Variants in ZFC3H1 observed in about 807,000 individuals in gnomAD.
ZFC3H1 encodes the protein zinc finger C3H1-type containing, also known as zinc finger C3H1 domain-containing protein.
Under a neutral mutation model 243.7 loss-of-function variants are expected in ZFC3H1, and 71 were observed. The observed-to-expected ratio is 0.29, with a 90% CI of 0.24 to 0.36. The LOEUF is 0.36. ZFC3H1 is among the 10% of genes least tolerant of loss of function. The pLI, the probability that ZFC3H1 is intolerant of heterozygous loss-of-function variation, is 1.00. For synonymous variants in ZFC3H1, 838 were observed against 813.0 expected (o/e 1.03, Z -0.52); for missense variants, 1,966 against 2,317.1 (o/e 0.85, Z 3.11).
chr12:71,644,222 T>G lies in ZFC3H1; in HGVS notation c.1376A>C (p.Gln459Pro), dbSNP rs1168166016. Residue 459 changes from glutamine (Q) to proline (P), a missense_variant, in exon 5 of 35, where the codon CAA becomes CCA. Transcript: ENST00000378743. ...ERQKEEDQRK[Q>P]AEEEERRKRE... ...TTTCCTTCTCTCTTCTTCTTCAGCT[T>G]GTTTCCGCTGATCCTCTTCTTTCTG... The G allele has an allele frequency of 1.2e-6, 2 of 1,612,178 alleles. No individual in the cohort carries two copies. The highest frequency in any genetic ancestry group is 2.7e-5 in the African/African-American group (2 of 74,930).
intron 31 of ZFC3H1, among the ~76,000 whole-genome samples, chr12:71,612,861 A>G (rs904033824): frequency 6.6e-6 from 1 of 152,210 alleles, no homozygotes; most frequent in Non-Finnish European, 1.5e-5. Flanking sequence ...CGAATATATG[A>G]AATCCCTAAT....
chr12:71,633,445 G>T lies in ZFC3H1; in HGVS notation c.2511-7C>A. 1 of 1,537,438 alleles carries T rather than the reference G, an allele frequency of 6.5e-7. No individual in the cohort carries two copies. The highest frequency in any genetic ancestry group is 1.3e-5 in the South Asian group (1 of 78,688). ...ATCTTTCATCAAGAGAATCCTAAAT[G>T]AGAAATAACAAAATTCTTGTTAATG... On this transcript the variant is annotated splice_region_variant and splice_polypyrimidine_tract_variant and intron_variant, in intron 12 of 34. Transcript: ENST00000378743.
At chr12:71,641,923 CA>C (rs921073441) in intron 6 of ZFC3H1, among the ~76,000 whole-genome samples, 25 of 152,176 alleles carry the variant, frequency 1.6e-4, no homozygotes, top group Non-Finnish European at 3.4e-4. Flanking sequence ...GACGTCAGCT[CA>C]CTGCAACCTC....
At chr12:71,642,301 T>C (rs1201841347) in intron 6 of ZFC3H1, 135 bp downstream of exon 6, 1 of 949,534 alleles carries the variant, frequency 1.1e-6, no homozygotes, top group African/African-American at 1.7e-5. Flanking sequence ...CAACAACAAA[T>C]AATGTCTATC....
At position 71,624,122 on chromosome 12, in the gene ZFC3H1, A is replaced by G; in HGVS notation, c.4488T>C (p.Ser1496=). The G allele has an allele frequency of 1.2e-6, 2 of 1,611,948 alleles. No homozygotes were observed. Among genetic ancestry groups the G allele is most frequent in the East Asian group, 2.2e-5 (1 of 44,860 alleles). The change falls in exon 23 of 35, where the codon AGT becomes AGC. Residue 1496 remains serine, a synonymous_variant. Coordinates refer to ENST00000378743, the MANE Select transcript of ZFC3H1 (RefSeq NM_144982.5). The part of the protein sequence containing the change: ...QLHIFTGRCQ[S]ALAILQNALK... Reference sequence around the variant, plus strand: ...TGCTTACCTGTAAAATTGCCAGTGCACTTTGGCATCTTCCAGTAAATATGT... The same window carrying G: ...TGCTTACCTGTAAAATTGCCAGTGCGCTTTGGCATCTTCCAGTAAATATGT...
chr12:71,628,348 C>T (rs1211484289), intron 20 of ZFC3H1, among the ~76,000 whole-genome samples: 1 of 152,176 alleles, frequency 6.6e-6, no homozygotes, highest in Non-Finnish European at 1.5e-5. Flanking sequence ...ACTAGAAAAA[C>T]AGTGTTACGT....
chr12:71,629,774 T>C, intron 18 of ZFC3H1, 64 bp from the exon 19 acceptor site: 1 of 1,044,052 alleles, frequency 9.6e-7, no homozygotes, highest in East Asian at 2.4e-5. Context: ...ATAATTAAAA[T>C]GTATGACGTG....
chr12:71,648,951 C>T (rs904201126), intron 2 of ZFC3H1, among the ~76,000 whole-genome samples: 3 of 151,856 alleles, frequency 2.0e-5, no homozygotes, highest in African/African-American at 4.8e-5. Flanking sequence ...ATTAGCCAGG[C>T]ATGGTGGTGC....
chr12:71,623,250 G>A, intron 24 of ZFC3H1, 110 bp downstream of exon 24: 1 of 913,248 alleles, frequency 1.1e-6, no homozygotes, highest in Non-Finnish European at 1.6e-6. Context: ...GCAATATAGA[G>A]ATATAAATTT....
At chr12:71,630,314 C>G (rs781666879) in intron 18 of ZFC3H1, among the ~76,000 whole-genome samples, 1 of 152,106 alleles carries the variant, frequency 6.6e-6, no homozygotes, top group South Asian at 2.1e-4. Flanking sequence ...TTTAAATGAG[C>G]TCTGTCCAAA....
At chr12:71,617,196 T>G (rs1048353126) in intron 27 of ZFC3H1, among the ~76,000 whole-genome samples, 1 of 152,140 alleles carries the variant, frequency 6.6e-6, no homozygotes, top group African/African-American at 2.4e-5. Flanking sequence ...TAATAAACAT[T>G]GACAACTTAT....
intron 10 of ZFC3H1, 72 bp from the exon 11 acceptor site, chr12:71,634,897 T>G: frequency 6.6e-7 from 1 of 1,505,308 alleles, no homozygotes; most frequent in Admixed American, 2.3e-5. Context: ...GATTTATATT[T>G]TACATTGCAA....
chr12:71,625,175 G>C (rs1162410783), intron 22 of ZFC3H1, among the ~76,000 whole-genome samples: 1 of 152,132 alleles, frequency 6.6e-6, no homozygotes, highest in Non-Finnish European at 1.5e-5. Flanking sequence ...TGAGTTCAAA[G>C]AGTAAGAAAT....
Position 71,620,101 on chromosome 12 carries a change from C to T in ZFC3H1, c.4874G>A (p.Cys1625Tyr). Reference sequence around the variant, plus strand: ...AGGACATGATTCCAATAAAGATTTACAAAGCTCCATTGCAGCCTCATACCT... The same window carrying T: ...AGGACATGATTCCAATAAAGATTTATAAAGCTCCATTGCAGCCTCATACCT... ...LERYEAAMEL[C>Y]KSLLESCPIN... Residue 1625 changes from cysteine to tyrosine, a missense_variant, in exon 26 of 35, where the codon TGT becomes TAT. Physicochemically the swap from Cys to Tyr is radical, Grantham distance 194. Transcript: ENST00000378743. 6.2e-7 allele frequency: 1 copy of T among 1,611,732 alleles called. No individual in the cohort carries two copies. Among genetic ancestry groups the T allele is most frequent in the Non-Finnish European group, 8.5e-7 (1 of 1,179,368 alleles).
intron 2 of ZFC3H1, among the ~76,000 whole-genome samples, chr12:71,652,199 T>C (rs1880906913): frequency 6.6e-6 from 1 of 152,088 alleles, no homozygotes; most frequent in Non-Finnish European, 1.5e-5. Context: ...CATTTATATA[T>C]ATAATTTACT....
chr12:71,647,056 T>C (rs1880747127), intron 3 of ZFC3H1, among the ~76,000 whole-genome samples: 1 of 152,348 alleles, frequency 6.6e-6, no homozygotes, highest in African/African-American at 2.4e-5. Context: ...GTGTACGTTA[T>C]ATTATCATTT....
intron 30 of ZFC3H1, 64 bp downstream of exon 30, chr12:71,614,471 C>T: frequency 2.1e-6 from 3 of 1,427,808 alleles, no homozygotes; most frequent in Non-Finnish European, 2.8e-6. Flanking sequence ...AGGAGTTTTG[C>T]TATCATTTTT....
Position 71,611,660 on chromosome 12 carries a change from GAAA to G in ZFC3H1, c.5729+123_5729+125del, listed in dbSNP as rs35052856. On this transcript the variant is annotated intron_variant, in intron 32 of 34. Transcript: ENST00000378743. ...AAATTAAGAATAGCAATCTGTCCAG[GAAA>G]AAAAAAAAAAAAAATATATATATAT... The G allele has an allele frequency of 5.5e-3, 592 of 107,354 alleles. 1 individual carries two copies. The highest frequency in any genetic ancestry group is 1.0e-2 in the African/African-American group (270 of 27,064). The allele number at this position is 107,354 out of a possible 1,614,324, so 6.7% of individuals were successfully genotyped here. A position where few individuals can be genotyped will look rare whatever the true frequency, so the allele number is the denominator to read the frequency against.
chr12:71,637,138 GA>G (rs1174036582), intron 7 of ZFC3H1, 79 bp from the exon 8 acceptor site: 5 of 1,209,712 alleles, frequency 4.1e-6, no homozygotes, highest in African/African-American at 3.1e-5. Context: ...TATTAAACTA[GA>G]AAAAAATAAA....
Sources: gnomAD v4.1 joint callset for allele counts (sites outside exome capture counted in the v4.1 genomes callset) on GRCh38, gnomAD v4.1.1 for gene constraint, MANE v1.5 for transcripts, NCBI Gene and HGNC (gene_info 2026-07-23, HGNC 2026-07-21) for gene names.